The following PAQR8 variants were observed in gnomAD, a reference collection of about 807,000 sequenced individuals.
The protein encoded by PAQR8 is progestin and adipoQ receptor family member 8, also known as membrane progestin receptor beta.
In PAQR8, 17 loss-of-function variants were observed where a neutral mutation model predicts 25.2. The observed-to-expected ratio is 0.67, with a 90% CI of 0.46 to 1.01. The LOEUF (loss-of-function observed/expected upper bound fraction) is 1.01, where lower values mean the gene tolerates loss of function less well. PAQR8 is among the 50% of genes least tolerant of loss of function. The probability of loss-of-function intolerance (pLI) is 0.00; values close to 1 mark genes in which losing one functional copy is unlikely to be tolerated. For missense variants in PAQR8, 392 were observed against 448.4 expected (o/e 0.87, Z 1.14); for synonymous variants, 204 against 190.6 (o/e 1.07, Z -0.58).
At position 52,406,173 on chromosome 6, in the gene PAQR8, A is replaced by C. The variant is rs187772580; in HGVS notation, c.*1895A>C. The C allele has an allele frequency of 4.3e-5, 10 of 232,054 alleles. No homozygotes were observed. 14.4% of individuals were successfully genotyped at this position (232,054 alleles called of 1,614,324 possible). On this transcript the variant is annotated 3_prime_UTR_variant, in exon 2 of 2. Transcript: ENST00000442253. ...GAACTGGGTTGAACTGAACAAGAGG[A>C]TGGGGGAATTGTGCAAATACGTTGT...
chr6:52,366,988 C>T (rs1763361414), intron 1 of PAQR8, among the ~76,000 whole-genome samples: 2 of 152,130 alleles, frequency 1.3e-5, no homozygotes, highest in South Asian at 4.1e-4. Flanking sequence ...TCGTGATCTG[C>T]CCATCTTGGC....
intron 1 of PAQR8, among the ~76,000 whole-genome samples, chr6:52,370,731 ATAG>A (rs919736560): frequency 1.3e-5 from 2 of 152,188 alleles, no homozygotes; most frequent in Non-Finnish European, 2.9e-5. Context: ...AAAAATCAGA[ATAG>A]TATATGGTAT....
intron 1 of PAQR8, among the ~76,000 whole-genome samples, chr6:52,380,084 G>GA (rs1763541290): frequency 6.6e-6 from 1 of 152,176 alleles, no homozygotes; most frequent in African/African-American, 2.4e-5. Flanking sequence ...AGTGTGAGCA[G>GA]AAAATAACAT....
At chr6:52,368,273 C>G (rs1297571712) in intron 1 of PAQR8, among the ~76,000 whole-genome samples, 1 of 152,162 alleles carries the variant, frequency 6.6e-6, no homozygotes, top group Non-Finnish European at 1.5e-5. Context: ...GTTTTCTTAG[C>G]TGTGATCTAG....
intron 1 of PAQR8, among the ~76,000 whole-genome samples, chr6:52,398,475 TG>T: frequency 6.6e-6 from 1 of 152,312 alleles, no homozygotes; most frequent in Middle Eastern, 3.4e-3. Context: ...CCCAAAGTGC[TG>T]GGATTACAGG....
chr6:52,377,886 A>C (rs1763503292), intron 1 of PAQR8, among the ~76,000 whole-genome samples: 1 of 152,186 alleles, frequency 6.6e-6, no homozygotes. Context: ...GGACAAAATT[A>C]TGTTCACTTA....
In PAQR8 at chr6:52,362,263, CG is replaced by C. The variant is rs1299252674; in HGVS notation, c.-53+17del. On this transcript the variant is annotated intron_variant, in intron 1 of 1. Transcript: ENST00000442253. This position sits in a 1 kb window ranked among gnomAD's most constrained non-coding sequence, Gnocchi z 4.1. ...CCGCCCCTGCCGGTGAGTCCCGCCG[CG>C]GGAGGCGCGGAACGGGTCGAGTTGG... 6.6e-6 allele frequency: 1 copy of C among 152,156 alleles called. No homozygotes were observed. The highest frequency in any genetic ancestry group is 2.4e-5 in the African/African-American group (1 of 41,458). 9.4% of individuals were successfully genotyped at this position (152,156 alleles called of 1,614,324 possible).
chr6:52,391,662 C>G (rs1413260275), intron 1 of PAQR8, among the ~76,000 whole-genome samples: 3 of 152,230 alleles, frequency 2.0e-5, no homozygotes, highest in East Asian at 3.8e-4. Context: ...AACTCCACCT[C>G]TGGCTCAAAG....
At position 52,381,639 on chromosome 6, in the gene PAQR8, G is replaced by C. The variant is rs1763560928; in HGVS notation, c.-53+19390G>C. On this transcript the variant is annotated intron_variant, in intron 1 of 1. Transcript: ENST00000442253. The stretch of plus-strand genomic sequence containing the variant: ...AAGCACAGCACCAATCTCAGAAATT[G>C]CCCCCTACTCCAATTTTTGTTAACA... 2.0e-5 allele frequency among the ~76,000 whole-genome samples: 3 copies of C among 152,254 alleles called. 1 individual carries two copies. The South Asian group carries it at 6.2e-4, about 32-fold the overall frequency.
chr6:52,388,430 T>C (rs1191093677), intron 1 of PAQR8, among the ~76,000 whole-genome samples: 2 of 151,178 alleles, frequency 1.3e-5, no homozygotes, highest in Non-Finnish European at 2.9e-5. Context: ...CATGAAACCA[T>C]ACTCCTCAAC....
intron 1 of PAQR8, among the ~76,000 whole-genome samples, chr6:52,383,432 C>G (rs531913015): frequency 5.8e-4 from 89 of 152,154 alleles, no homozygotes; most frequent in Admixed American, 1.2e-3. Context: ...GAGGCCGAGG[C>G]GGGCGGATCA....
intron 1 of PAQR8, among the ~76,000 whole-genome samples, chr6:52,389,966 T>C (rs1282558544): frequency 3.9e-5 from 6 of 152,178 alleles, no homozygotes; most frequent in African/African-American, 1.4e-4. Context: ...ACGAAGCCGA[T>C]AGTTACACTC....
chr6:52,388,445 A>G (rs1763658875), intron 1 of PAQR8, among the ~76,000 whole-genome samples: 1 of 152,022 alleles, frequency 6.6e-6, no homozygotes, highest in Admixed American at 6.5e-5. Context: ...CTCAACCCCC[A>G]GCCCCCATAC....
intron 1 of PAQR8, among the ~76,000 whole-genome samples, chr6:52,392,476 A>G (rs1763721647): frequency 6.6e-6 from 1 of 152,208 alleles, no homozygotes; most frequent in South Asian, 2.1e-4. Flanking sequence ...GCATCCTTGT[A>G]ATAGGTCAGG....
At chr6:52,371,280 T>C (rs753011045) in intron 1 of PAQR8, among the ~76,000 whole-genome samples, 2 of 152,202 alleles carry the variant, frequency 1.3e-5, no homozygotes, top group Non-Finnish European at 2.9e-5. Flanking sequence ...GTTCCAGCTT[T>C]ATTATATGCT....
rs1763912084 is a variant in PAQR8, at chr6:52,406,540, C to T, written c.*2262C>T. ...AATTTTAATTTATACAAGTATTGGC[C>T]CCTCAAGTGGTTGGAAATTTTTTTT... On this transcript the variant is annotated 3_prime_UTR_variant, in exon 2 of 2. Coordinates refer to ENST00000442253, the MANE Select transcript of PAQR8 (RefSeq NM_133367.5). 4.8e-6 allele frequency: 2 copies of T among 413,290 alleles called. No homozygotes were observed. Among genetic ancestry groups the T allele is most frequent in the Non-Finnish European group, 8.8e-6 (2 of 226,100 alleles). 25.6% of individuals were successfully genotyped at this position (413,290 alleles called of 1,614,324 possible). A position where few individuals can be genotyped will look rare whatever the true frequency, so the allele number is the denominator to read the frequency against.
chr6:52,374,923 GATA>G (rs1367776767), intron 1 of PAQR8, among the ~76,000 whole-genome samples: 1 of 149,274 alleles, frequency 6.7e-6, no homozygotes, highest in Admixed American at 6.7e-5. Context: ...TATTATTAGA[GATA>G]ATAATTAATA....
intron 1 of PAQR8, among the ~76,000 whole-genome samples, chr6:52,384,657 G>A (rs7745026): frequency 0.92 from 139,907 of 152,204 alleles, 65,434 homozygotes; most frequent in East Asian, 1. Context: ...GTTAGAAAAA[G>A]AATACTATTC....
chr6:52,387,484 A>G (rs1763646601), intron 1 of PAQR8, among the ~76,000 whole-genome samples: 1 of 152,246 alleles, frequency 6.6e-6, no homozygotes, highest in Non-Finnish European at 1.5e-5. Context: ...ATCAAGTAAC[A>G]CAAGCTAAAA....
Sources: gnomAD v4.1 joint callset for allele counts (sites outside exome capture counted in the v4.1 genomes callset) on GRCh38, gnomAD v4.1.1 for gene constraint, Gnocchi (gnomAD v3.1) non-coding constraint, MANE v1.5 for transcripts, NCBI Gene and HGNC (gene_info 2026-07-23, HGNC 2026-07-21) for gene names.